Variants in CCDC158 observed in about 807,000 individuals in gnomAD.
CCDC158 encodes the protein coiled-coil domain containing 158, also known as coiled-coil domain-containing protein 158.
Under a neutral mutation model 138.6 loss-of-function variants are expected in CCDC158, and 116 were observed. The observed-to-expected ratio is 0.84, with a 90% CI of 0.72 to 0.98. The LOEUF (loss-of-function observed/expected upper bound fraction) is 0.98. Among genes scored for constraint, CCDC158 ranks in the 50% least tolerant of loss-of-function variants. The pLI, the probability that CCDC158 is intolerant of heterozygous loss-of-function variation, is 0.00. For synonymous variants in CCDC158, 436 were observed against 442.4 expected (o/e 0.99, Z 0.18); for missense variants, 1,265 against 1,306.1 (o/e 0.97, Z 0.48).
chr4:76,384,196 T>A lies in CCDC158; in HGVS notation c.618A>T (p.Glu206Asp). Reference protein sequence around the residue: ...FEEASGKKICEHDSMSTLHFR... With the variant: ...FEEASGKKICDHDSMSTLHFR... ...AGTGCAGAGTAGACATGCTGTCATG[T>A]TCACATATTTTTTTGCCTGAGGCTT... The change falls in exon 6 of 25, where the codon GAA (glutamate) becomes GAT (aspartate). Residue 206 changes from glutamate to aspartate, a missense_variant. Glu to Asp is a conservative substitution (Grantham distance 45). Transcript: ENST00000682701. 1 of 1,614,166 alleles carries A rather than the reference T, an allele frequency of 6.2e-7. No individual in the cohort carries two copies. The highest frequency in any genetic ancestry group is 8.5e-7 in the Non-Finnish European group (1 of 1,180,012).
intron 18 of CCDC158, among the ~76,000 whole-genome samples, chr4:76,336,013 C>T (rs1249639882): frequency 9.9e-5 from 15 of 151,550 alleles, no homozygotes; most frequent in African/African-American, 3.6e-4. Context: ...AACCCCATCT[C>T]TACTAAAAAT....
At position 76,369,534 on chromosome 4, in the gene CCDC158, G is replaced by A; in HGVS notation, c.1239C>T (p.Thr413=). The A allele has an allele frequency of 6.2e-7, 1 of 1,614,186 alleles. No homozygotes were observed. The highest frequency in any genetic ancestry group is 1.1e-5 in the South Asian group (1 of 91,086). Residue 413 remains threonine (T), a synonymous_variant, in exon 11 of 25, where the codon ACC becomes ACT. Transcript: ENST00000682701. ...CCAGTTCCCGCCGCAGGTGGTCAAT[G>A]GTGATGCTGTTGCCTGTGTCTCGGT... ...LWDRDTGNSI[T]IDHLRRELDN...
intron 4 of CCDC158, among the ~76,000 whole-genome samples, chr4:76,387,679 CG>C (rs1163492792): frequency 2.6e-5 from 4 of 151,862 alleles, no homozygotes; most frequent in Non-Finnish European, 4.4e-5. Context: ...AAAAATTAGC[CG>C]GGCGTGGTGG....
At chr4:76,355,738 T>G (rs146578608) in intron 14 of CCDC158, among the ~76,000 whole-genome samples, 6 of 151,764 alleles carry the variant, frequency 4.0e-5, no homozygotes, top group African/African-American at 1.2e-4. Context: ...GTAATAACAA[T>G]AACATTGACT....
At chr4:76,320,969 C>T (rs969188102) in intron 24 of CCDC158, among the ~76,000 whole-genome samples, 1 of 152,120 alleles carries the variant, frequency 6.6e-6, no homozygotes, top group Non-Finnish European at 1.5e-5. Context: ...GCAGAGTAAA[C>T]AGACAACCCA....
chr4:76,321,982 C>T (rs926820326), intron 24 of CCDC158, among the ~76,000 whole-genome samples: 2 of 151,228 alleles, frequency 1.3e-5, no homozygotes, highest in African/African-American at 2.4e-5. Flanking sequence ...AATAATAATA[C>T]GATGGACGTT....
chr4:76,382,441 A>AT (rs1289181580), intron 8 of CCDC158, among the ~76,000 whole-genome samples, 169 bp downstream of exon 8: 2,079 of 152,348 alleles, frequency 0.014, 47 homozygotes, highest in African/African-American at 0.047. Context: ...ATGGTCAGAT[A>AT]ACAGTACCTA....
At chr4:76,363,877 G>T (rs1187680276) in intron 12 of CCDC158, among the ~76,000 whole-genome samples, 8 of 152,140 alleles carry the variant, frequency 5.3e-5, no homozygotes, top group Non-Finnish European at 1.2e-4. Context: ...TGGTTGGCGT[G>T]GGGGTAGGGG....
At chr4:76,419,868 T>C (rs1729974299) in intron 1 of CCDC158, among the ~76,000 whole-genome samples, 1 of 149,946 alleles carries the variant, frequency 6.7e-6, no homozygotes, top group Non-Finnish European at 1.5e-5. Context: ...TTTGGGGCCA[T>C]CTAGCTGGGG....
At chr4:76,365,672 C>T (rs1724586432) in intron 12 of CCDC158, among the ~76,000 whole-genome samples, 2 of 152,148 alleles carry the variant, frequency 1.3e-5, no homozygotes, top group South Asian at 4.1e-4. Context: ...TTCACTGGCC[C>T]TCTAGTCAGG....
chr4:76,336,764 G>A (rs1023628452), intron 18 of CCDC158, among the ~76,000 whole-genome samples: 2 of 152,094 alleles, frequency 1.3e-5, no homozygotes, highest in African/African-American at 2.4e-5. Context: ...CAAGCTAAAT[G>A]TTCTCAGGAA....
intron 24 of CCDC158, among the ~76,000 whole-genome samples, chr4:76,315,480 AC>A (rs1448091303): frequency 1.3e-5 from 2 of 152,132 alleles, no homozygotes; most frequent in African/African-American, 2.4e-5. Context: ...TGAAAGTGCC[AC>A]CCCTTGGCTG....
At chr4:76,344,923 T>G in intron 18 of CCDC158, 1 of 1,532,192 alleles carries the variant, frequency 6.5e-7, no homozygotes. Context: ...AAGAAATGTT[T>G]GGTGGCTTCT....
intron 18 of CCDC158, among the ~76,000 whole-genome samples, chr4:76,336,427 A>C (rs1222449037): frequency 6.6e-6 from 1 of 152,172 alleles, no homozygotes; most frequent in Non-Finnish European, 1.5e-5. Context: ...AAACCACAAA[A>C]ATATCAAGGC....
intron 18 of CCDC158, among the ~76,000 whole-genome samples, chr4:76,339,916 C>G (rs148656414): frequency 1.1e-4 from 17 of 152,336 alleles, no homozygotes; most frequent in African/African-American, 3.6e-4. Flanking sequence ...ACAGCATACA[C>G]GTCTTCTCTT....
rs77305655 is a variant in CCDC158, at chr4:76,323,687, G to A, written c.3170-278C>T. On this transcript the variant is annotated intron_variant, in intron 23 of 24. Coordinates refer to ENST00000682701, the MANE Select transcript of CCDC158 (RefSeq NM_001394954.1). Reference sequence around the variant, plus strand: ...TAACTACATAATATTAAATAAGATGGGTGAAAAGAACACTTCAAGTTTAAT... The same window carrying A: ...TAACTACATAATATTAAATAAGATGAGTGAAAAGAACACTTCAAGTTTAAT... Among the ~76,000 whole-genome samples the A allele has an allele frequency of 8.4e-3, 1,283 of 152,182 alleles. 17 individuals are homozygous for A. The highest frequency in any genetic ancestry group is 0.029 in the African/African-American group (1,224 of 41,502).
chr4:76,370,065 T>C (rs1202897819), intron 10 of CCDC158, among the ~76,000 whole-genome samples: 2 of 152,266 alleles, frequency 1.3e-5, no homozygotes, highest in Non-Finnish European at 2.9e-5. Flanking sequence ...TGGAGTAGCA[T>C]CTGGGCTGTG....
intron 4 of CCDC158, among the ~76,000 whole-genome samples, chr4:76,386,589 T>A (rs541423515): frequency 1.3e-5 from 2 of 152,396 alleles, no homozygotes; most frequent in Admixed American, 6.5e-5. Context: ...TTTGTTTGTG[T>A]GTTTTGTCCA....
chr4:76,332,364 C>A, intron 20 of CCDC158, 68 bp downstream of exon 20: 1 of 1,361,234 alleles, frequency 7.3e-7, no homozygotes, highest in South Asian at 1.2e-5. Context: ...ACAGACTTCT[C>A]AAATTACAAG....
Sources: allele counts gnomAD v4.1 joint callset (sites outside exome capture counted in the v4.1 genomes callset), GRCh38; gene constraint gnomAD v4.1.1; transcripts MANE v1.5; gene names NCBI Gene and HGNC (gene_info 2026-07-23, HGNC 2026-07-21).